VWC2L: variants seen among roughly 807,000 people sequenced by gnomAD.
VWC2L encodes von Willebrand factor C domain containing 2 like, also known as von Willebrand factor C domain-containing protein 2-like.
In VWC2L, 10 loss-of-function variants were observed where a neutral mutation model predicts 21.6. The ratio of observed to expected loss-of-function variants is 0.46; its 90% confidence interval spans 0.29 to 0.78. VWC2L has a LOEUF of 0.78. Ranked by LOEUF, VWC2L falls within the 30% of genes least tolerant of loss-of-function variation. The pLI is 0.10. For synonymous variants in VWC2L, 96 were observed against 94.3 expected, an observed-to-expected ratio of 1.02 and a Z score of -0.10; for missense variants, 209 against 277.1, an observed-to-expected ratio of 0.75 and a Z score of 1.74.
chr2:214,420,527 A>C (rs1487076350), intron 2 of VWC2L, among the ~76,000 whole-genome samples: 1 of 152,222 alleles, frequency 6.6e-6, no homozygotes, highest in Admixed American at 6.5e-5. Context: ...ACAGGAACTA[A>C]GTCAGATGTT....
intron 3 of VWC2L, among the ~76,000 whole-genome samples, chr2:214,546,747 G>C (rs1407708212): frequency 2.0e-5 from 3 of 152,028 alleles, no homozygotes; most frequent in Non-Finnish European, 2.9e-5. Context: ...CAAACACCAA[G>C]AACACTGAAT....
At chr2:214,427,860 T>C (rs879654708) in intron 2 of VWC2L, among the ~76,000 whole-genome samples, 1 of 152,196 alleles carries the variant, frequency 6.6e-6, no homozygotes, top group Non-Finnish European at 1.5e-5. Flanking sequence ...TTAGTAATAA[T>C]GGTAAGAAAA....
chr2:214,515,302 A>G (rs1384385471), intron 3 of VWC2L, among the ~76,000 whole-genome samples: 3 of 152,200 alleles, frequency 2.0e-5, no homozygotes, highest in African/African-American at 7.2e-5. Context: ...CAGCATGGGC[A>G]AGCTACTAAA....
intron 3 of VWC2L, among the ~76,000 whole-genome samples, chr2:214,457,832 A>G (rs926166376): frequency 3.3e-5 from 5 of 152,014 alleles, no homozygotes; most frequent in Non-Finnish European, 7.4e-5. Context: ...ATCATGGTGC[A>G]TTATCTTTTG....
intron 3 of VWC2L, among the ~76,000 whole-genome samples, chr2:214,476,486 G>A (rs998702081): frequency 3.3e-5 from 5 of 152,148 alleles, no homozygotes; most frequent in South Asian, 2.1e-4. Flanking sequence ...GGGTTGGGGG[G>A]CATATTAAAT....
chr2:214,440,283 T>C (rs552930987), intron 3 of VWC2L, among the ~76,000 whole-genome samples: 1 of 152,116 alleles, frequency 6.6e-6, no homozygotes, highest in East Asian at 1.9e-4. Context: ...ATTGGGGGGA[T>C]TGACATAGGA....
chr2:214,429,795 C>T (rs1315218332), intron 2 of VWC2L, among the ~76,000 whole-genome samples: 3 of 151,800 alleles, frequency 2.0e-5, no homozygotes, highest in Non-Finnish European at 4.4e-5. Flanking sequence ...ATTTTTAAAA[C>T]TTTACCAAAA....
In VWC2L at chr2:214,411,381, C is replaced by G. The variant is rs1455968558; in HGVS notation, c.-486C>G. 7.2e-5 allele frequency: 11 copies of G among 152,280 alleles called. No homozygotes were observed. The East Asian group carries it at 2.1e-3, about 29-fold the overall frequency. 9.4% of individuals were successfully genotyped at this position (152,280 alleles called of 1,614,324 possible). A position where few individuals can be genotyped will look rare whatever the true frequency, so the allele number is the denominator to read the frequency against. Reference sequence around the variant, plus strand: ...AGCCTAGCCAAATCACCTCTACTGCCGTAGCAAACACTGTGTAAGTGAACT... The same window carrying G: ...AGCCTAGCCAAATCACCTCTACTGCGGTAGCAAACACTGTGTAAGTGAACT... On this transcript the variant is annotated 5_prime_UTR_variant, in exon 1 of 4. Transcript: ENST00000312504.
intron 2 of VWC2L, among the ~76,000 whole-genome samples, chr2:214,426,171 CAAAAAAAAA>C (rs34411661): frequency 1.4e-5 from 1 of 69,968 alleles, no homozygotes; most frequent in African/African-American, 4.6e-5. Flanking sequence ...GGCTTCGTCT[CAAAAAAAAA>C]AAAAAAAAAA....
At chr2:214,481,843 T>G (rs1688607336) in intron 3 of VWC2L, among the ~76,000 whole-genome samples, 1 of 152,162 alleles carries the variant, frequency 6.6e-6, no homozygotes, top group Non-Finnish European at 1.5e-5. Context: ...TTCTTGAAAA[T>G]AAAAATAACA....
intron 3 of VWC2L, among the ~76,000 whole-genome samples, chr2:214,467,612 T>A (rs1009077518): frequency 1.3e-5 from 2 of 152,216 alleles, no homozygotes; most frequent in African/African-American, 4.8e-5. Flanking sequence ...GCACTGTTAC[T>A]ATACCTTGGC....
intron 3 of VWC2L, among the ~76,000 whole-genome samples, chr2:214,536,336 C>T (rs184630285): frequency 1.5e-4 from 23 of 152,120 alleles, no homozygotes; most frequent in Non-Finnish European, 3.1e-4. Flanking sequence ...TTAGGTGGAC[C>T]AGCAGAACCT....
rs962748777 is a variant in VWC2L at position 214,578,296 on chromosome 2, A to G, written c.*2476A>G. On this transcript the variant is annotated 3_prime_UTR_variant, in exon 4 of 4. Coordinates refer to ENST00000312504, the MANE Select transcript of VWC2L (RefSeq NM_001080500.4). The stretch of plus-strand genomic sequence containing the variant: ...AGCTGAAGTGCAGAAATTTTGCATC[A>G]AAGCATTGGCACAGCGAGAGTCACA... The G allele has an allele frequency of 1.3e-5, 2 of 152,230 alleles. No individual in the cohort carries two copies. The highest frequency in any genetic ancestry group is 1.3e-4 in the Admixed American group (2 of 15,274). 9.4% of individuals were successfully genotyped at this position (152,230 alleles called of 1,614,324 possible).
intron 3 of VWC2L, among the ~76,000 whole-genome samples, chr2:214,522,437 A>G (rs1689259164): frequency 1.3e-5 from 2 of 148,556 alleles, no homozygotes; most frequent in Admixed American, 6.8e-5. Context: ...CTCCACTTCT[A>G]TTTCTTTATA....
At chr2:214,511,368 A>G (rs1689050000) in intron 3 of VWC2L, among the ~76,000 whole-genome samples, 2 of 152,184 alleles carry the variant, frequency 1.3e-5, no homozygotes, top group Non-Finnish European at 2.9e-5. Context: ...TGGAAGCCCT[A>G]ATCACCAAGG....
At chr2:214,548,278 A>G (rs2105923986) in intron 3 of VWC2L, among the ~76,000 whole-genome samples, 1 of 152,260 alleles carries the variant, frequency 6.6e-6, no homozygotes, top group East Asian at 1.9e-4. Flanking sequence ...AACACAAGGC[A>G]TGCAATTTAC....
chr2:214,506,246 T>C (rs1346207075), intron 3 of VWC2L, among the ~76,000 whole-genome samples: 2 of 152,180 alleles, frequency 1.3e-5, no homozygotes, highest in African/African-American at 4.8e-5. Flanking sequence ...AGTATATAGA[T>C]GAAGGATTTA....
chr2:214,556,119 G>A (rs1286700247), intron 3 of VWC2L, among the ~76,000 whole-genome samples: 2 of 152,108 alleles, frequency 1.3e-5, no homozygotes, highest in African/African-American at 4.8e-5. Context: ...AATTAGCTGG[G>A]CATGATGGCA....
At chr2:214,568,808 A>T (rs934599525) in intron 3 of VWC2L, among the ~76,000 whole-genome samples, 3 of 152,176 alleles carry the variant, frequency 2.0e-5, no homozygotes, top group African/African-American at 4.8e-5. Context: ...TGCTTAAATT[A>T]TCCAGGGTTG....
Sources: gnomAD v4.1 joint callset for allele counts (sites outside exome capture counted in the v4.1 genomes callset) on GRCh38, gnomAD v4.1.1 for gene constraint, MANE v1.5 for transcripts, NCBI Gene and HGNC (gene_info 2026-07-23, HGNC 2026-07-21) for gene names.